ARHGAP8: variants seen among roughly 807,000 people sequenced by gnomAD.
ARHGAP8 encodes rho GTPase-activating protein 8.
A neutral mutation model predicts 46.1 loss-of-function variants in ARHGAP8; 62 were observed. The observed-to-expected ratio is 1.34, with a 90% CI of 1.10 to 1.66. The LOEUF is 1.66. Ranked by LOEUF, ARHGAP8 falls within the 40% of genes most tolerant of loss-of-function variation. The pLI is 0.00. For missense variants in ARHGAP8, 923 were observed against 568.4 expected (o/e 1.62, Z -6.34); for synonymous variants, 375 against 243.1 (o/e 1.54, Z -5.05).
At chr22:44,859,924 G>C (rs984242622) in intron 11 of ARHGAP8, 90 bp downstream of exon 11, 394 of 1,451,760 alleles carry the variant, frequency 2.7e-4, no homozygotes, top group Non-Finnish European at 3.2e-4. Context: ...CCTTGCCCTG[G>C]GTCTGGGGTC....
rs1474375967 is a variant in ARHGAP8, at chr22:44,838,787, C to T, written c.597-6482C>T. Among the ~76,000 whole-genome samples the T allele has an allele frequency of 5.9e-5, 9 of 152,304 alleles. No individual in the cohort carries two copies. In the East Asian group the frequency reaches 7.7e-4, roughly 13 times the overall value. ...GGATAAGTCACTGTAGCTCACTGGG[C>T]CCATTTGTTCATCTGTGACATGGAC... On this transcript the variant is annotated intron_variant, in intron 7 of 11. Transcript: ENST00000356099.
chr22:44,780,161 A>G (rs936011194), intron 1 of ARHGAP8, among the ~76,000 whole-genome samples: 3 of 152,174 alleles, frequency 2.0e-5, no homozygotes, highest in African/African-American at 7.2e-5. Context: ...AGTAGATAAT[A>G]TATTCATGTG....
intron 4 of ARHGAP8, chr22:44,809,276 C>CT (rs1425139404): frequency 4.7e-6 from 2 of 421,666 alleles, no homozygotes; most frequent in Non-Finnish European, 9.8e-6. Flanking sequence ...AAATATTCTT[C>CT]TGTTTTTTTT....
At chr22:44,826,893 C>G (rs1246940663) in intron 7 of ARHGAP8, among the ~76,000 whole-genome samples, 2 of 152,158 alleles carry the variant, frequency 1.3e-5, no homozygotes, top group Non-Finnish European at 1.5e-5. Context: ...GGGGACCTGC[C>G]TGTTTCTTTC....
intron 1 of ARHGAP8, among the ~76,000 whole-genome samples, chr22:44,757,211 C>T (rs1289242283): frequency 1.3e-5 from 2 of 151,198 alleles, no homozygotes; most frequent in Middle Eastern, 3.6e-3. Context: ...CCACTGTGCC[C>T]GGCAGCAACA....
At chr22:44,857,660 C>G (rs1484933679) in intron 10 of ARHGAP8, among the ~76,000 whole-genome samples, 2 of 152,088 alleles carry the variant, frequency 1.3e-5, no homozygotes, top group Admixed American at 1.3e-4. Flanking sequence ...CCCCTTCCCT[C>G]TGGGTATAGG....
chr22:44,790,548 T>C (rs1420611543), intron 2 of ARHGAP8, among the ~76,000 whole-genome samples: 3 of 151,462 alleles, frequency 2.0e-5, no homozygotes, highest in Admixed American at 6.6e-5. Flanking sequence ...TGGTGGCACA[T>C]ATCTGTAATC....
intron 2 of ARHGAP8, among the ~76,000 whole-genome samples, chr22:44,794,773 AATAAT>A (rs928750116): frequency 6.6e-6 from 1 of 152,022 alleles, no homozygotes; most frequent in Non-Finnish European, 1.5e-5. Flanking sequence ...CAGATGTAGA[AATAAT>A]AGAATAAGGA....
intron 1 of ARHGAP8, among the ~76,000 whole-genome samples, chr22:44,782,716 C>A (rs561147904): frequency 1.3e-5 from 2 of 152,182 alleles, no homozygotes; most frequent in African/African-American, 4.8e-5. Flanking sequence ...ATGGCTGGAC[C>A]GCACGTGGCT....
chr22:44,857,701 C>T (rs141405992), intron 10 of ARHGAP8, among the ~76,000 whole-genome samples: 4 of 152,244 alleles, frequency 2.6e-5, no homozygotes, highest in East Asian at 3.9e-4. Flanking sequence ...GATCTCATGG[C>T]CTGCTCCAGA....
At chr22:44,799,977 G>T (rs1303498577) in intron 2 of ARHGAP8, among the ~76,000 whole-genome samples, 1 of 105,140 alleles carries the variant, frequency 9.5e-6, no homozygotes. Context: ...GGCCACTTGT[G>T]GGGTGGGGCA....
At chr22:44,827,335 G>GTTTTTT (rs1569165898) in intron 7 of ARHGAP8, among the ~76,000 whole-genome samples, 6 of 41,716 alleles carry the variant, frequency 1.4e-4, no homozygotes, top group African/African-American at 1.9e-4. Flanking sequence ...TTTGGGTGGT[G>GTTTTTT]GTTTTTTTTT....
intron 8 of ARHGAP8, among the ~76,000 whole-genome samples, 154 bp from the exon 9 acceptor site, chr22:44,847,819 T>G (rs1241681838): frequency 1.3e-5 from 2 of 151,656 alleles, no homozygotes. Context: ...GGAAATCGGG[T>G]GGGTTGGGGA....
intron 3 of ARHGAP8, 49 bp from the exon 4 acceptor site, chr22:44,808,258 A>G: frequency 6.3e-7 from 1 of 1,586,532 alleles, no homozygotes; most frequent in Non-Finnish European, 8.6e-7. Context: ...GTTTGGTTTC[A>G]ATAATGAGTA....
Position 44,752,596 on chromosome 22 carries a change from C to CGCAGGTGGGG in ARHGAP8, c.-100_-91dup, listed in dbSNP as rs1259120130. On this transcript the variant is annotated 5_prime_UTR_variant, in exon 1 of 12. Transcript: ENST00000356099. Reference sequence around the variant, plus strand: ...GGCCAGGTGAGCGGCAGACCCGGCACGCAGGTGGGGGCCGGCGGGGTCCGT... The same window carrying CGCAGGTGGGG: ...GGCCAGGTGAGCGGCAGACCCGGCACGCAGGTGGGGGCAGGTGGGGGCCGGCGGGGTCCGT... 1.4e-5 allele frequency: 2 copies of CGCAGGTGGGG among 147,696 alleles called. No individual in the cohort carries two copies. The highest frequency in any genetic ancestry group is 3.0e-5 in the Non-Finnish European group (2 of 67,004). 9.1% of individuals were successfully genotyped at this position (147,696 alleles called of 1,614,324 possible).
Position 44,785,628 on chromosome 22 carries a change from G to C in ARHGAP8, c.-71-829G>C, listed in dbSNP as rs148328942. Reference sequence around the variant, plus strand: ...TCCGAGCTCCAGGAGGAATACTGGGGTGGGGAGGGGATAGTCTTCAACCCC... The same window carrying C: ...TCCGAGCTCCAGGAGGAATACTGGGCTGGGGAGGGGATAGTCTTCAACCCC... On this transcript the variant is annotated intron_variant, in intron 1 of 11. Coordinates refer to ENST00000356099, the MANE Select transcript of ARHGAP8 (RefSeq NM_181335.3). 2.4e-3 allele frequency among the ~76,000 whole-genome samples: 369 copies of C among 152,260 alleles called. 3 individuals are homozygous for C. Among genetic ancestry groups the C allele is most frequent in the African/African-American group, 8.5e-3 (351 of 41,538 alleles).
intron 1 of ARHGAP8, among the ~76,000 whole-genome samples, chr22:44,760,441 G>A (rs1441271285): frequency 6.6e-6 from 1 of 151,996 alleles, no homozygotes; most frequent in East Asian, 1.9e-4. Flanking sequence ...TTTGTCTCTG[G>A]GTCTTGGAAG....
chr22:44,783,610 G>T (rs114567144), intron 1 of ARHGAP8, among the ~76,000 whole-genome samples: 2,440 of 152,186 alleles, frequency 0.016, 71 homozygotes, highest in African/African-American at 0.056. Flanking sequence ...CTGCTCCACC[G>T]CACTAGAACC....
chr22:44,862,532 C>A lies in ARHGAP8; in HGVS notation c.1239C>A (p.Ala413=), dbSNP rs1237065066. ...PLQEAVPRTQ[A]TGLTKPTLPP... ...AGGAGGCTGTGCCACGGACACAAGC[C>A]ACGGGCCTCACCAAGCCTACCCTAC... The change falls in exon 12 of 12, where the codon GCC becomes GCA. Residue 413 remains alanine (A), a synonymous_variant. Transcript: ENST00000356099. 5.7e-5 allele frequency: 92 copies of A among 1,609,918 alleles called. No homozygotes were observed. Among genetic ancestry groups the A allele is most frequent in the Non-Finnish European group, 7.6e-5 (90 of 1,176,836 alleles).
Sources: allele counts gnomAD v4.1 joint callset (sites outside exome capture counted in the v4.1 genomes callset), GRCh38; gene constraint gnomAD v4.1.1; transcripts MANE v1.5; gene names NCBI Gene and HGNC (gene_info 2026-07-23, HGNC 2026-07-21).